Variants in ATG12 observed in about 807,000 individuals in gnomAD.
The protein encoded by ATG12 is autophagy related 12, also known as ubiquitin-like protein ATG12.
A neutral mutation model predicts 17.6 loss-of-function variants in ATG12; 19 were observed. The observed-to-expected ratio is 1.08, with a 90% confidence interval of 0.75 to 1.58. The LOEUF (loss-of-function observed/expected upper bound fraction) is 1.58. ATG12 is among the 40% of genes most tolerant of loss of function. The pLI is 0.00. For missense variants in ATG12, 214 were observed against 162.0 expected (o/e 1.32, Z -1.74); for synonymous variants, 75 against 62.4 (o/e 1.20, Z -0.95).
chr5:115,836,388 CTTATT>C (rs1761101199), intron 2 of ATG12, among the ~76,000 whole-genome samples: 1 of 152,192 alleles, frequency 6.6e-6, no homozygotes, highest in Admixed American at 6.5e-5. Flanking sequence ...ACTCAGTACT[CTTATT>C]TTACCAACTC....
chr5:115,831,732 T>C lies in ATG12; in HGVS notation c.*72A>G. ...TCTGTTAAGTCTCTTGCCACAAGCATCAAAACTTTTCAGAGCTGTCTCTTC... is the reference window on the plus strand; with the variant it reads ...TCTGTTAAGTCTCTTGCCACAAGCACCAAAACTTTTCAGAGCTGTCTCTTC... On this transcript the variant is annotated 3_prime_UTR_variant, in exon 4 of 4. Transcript: ENST00000509910. The C allele has an allele frequency of 2.8e-6, 4 of 1,442,226 alleles. No homozygotes were observed. The highest frequency in any genetic ancestry group is 3.9e-6 in the Non-Finnish European group (4 of 1,036,862). 89.3% of individuals were successfully genotyped at this position (1,442,226 alleles called of 1,614,324 possible). A position where few individuals can be genotyped will look rare whatever the true frequency, so the allele number is the denominator to read the frequency against.
intron 3 of ATG12, 29 bp downstream of exon 3, chr5:115,832,573 T>C (rs764094610): frequency 1.4e-5 from 2 of 143,278 alleles, no homozygotes; most frequent in Non-Finnish European, 2.0e-5. Flanking sequence ...ATTTCTTTCT[T>C]TTTTTTTTTT....
At position 115,831,735 on chromosome 5, in the gene ATG12, A is replaced by T; in HGVS notation, c.*69T>A. ...GTTAAGTCTCTTGCCACAAGCATCA[A>T]AACTTTTCAGAGCTGTCTCTTCCGT... On this transcript the variant is annotated 3_prime_UTR_variant, in exon 4 of 4. Coordinates refer to ENST00000509910, the MANE Select transcript of ATG12 (RefSeq NM_004707.4). 1 of 1,496,742 alleles carries T rather than the reference A, an allele frequency of 6.7e-7. No homozygotes were observed. The highest frequency in any genetic ancestry group is 1.8e-5 in the Admixed American group (1 of 56,544). 92.7% of individuals were successfully genotyped at this position (1,496,742 alleles called of 1,614,324 possible). A position where few individuals can be genotyped will look rare whatever the true frequency, so the allele number is the denominator to read the frequency against.
Position 115,832,543 on chromosome 5 carries a change from A to AT in ATG12, c.363+58dup. The AT allele has an allele frequency of 2.8e-6, 4 of 1,450,478 alleles. No individual in the cohort carries two copies. In the South Asian group the frequency reaches 5.6e-5, roughly 20 times the overall value. The allele number at this position is 1,450,478 out of a possible 1,614,324, so 89.9% of individuals were successfully genotyped here. On this transcript the variant is annotated intron_variant, in intron 3 of 3. Transcript: ENST00000509910. ...CATATTATACAGATGTGCATACTCG[A>AT]TTAAGAAAAAAAAGCAGTAATTTCT...
In ATG12 at chr5:115,840,629, G is replaced by A. The variant is rs1014281628; in HGVS notation, c.163+761C>T. 5 of 1,265,862 alleles carry A rather than the reference G, an allele frequency of 3.9e-6. No individual in the cohort carries two copies. In the Admixed American group the frequency reaches 1.0e-4, roughly 26 times the overall value. 78.4% of individuals were successfully genotyped at this position (1,265,862 alleles called of 1,614,324 possible). A position where few individuals can be genotyped will look rare whatever the true frequency, so the allele number is the denominator to read the frequency against. ...CACTGTCATCTTAAGACAGAACGGG[G>A]AAAACGTCTAAGGACGAAATCAGCC... On this transcript the variant is annotated intron_variant, in intron 1 of 3. Transcript: ENST00000509910.
chr5:115,841,057 T>A (rs1030096698), intron 1 of ATG12: 8 of 440,782 alleles, frequency 1.8e-5, no homozygotes, highest in Non-Finnish European at 3.2e-5. Flanking sequence ...CTGTGTTAAG[T>A]ACCTGGAATT....
rs35310189 is a variant in ATG12 at position 115,832,571 on chromosome 5, CTTTTTTTTTTT to C, written c.363+20_363+30del. Reference sequence around the variant, plus strand: ...AAGAAAAAAAAGCAGTAATTTCTTTCTTTTTTTTTTTTTTTTTTTTTTTTTTTTACCTCATA... The same window carrying C: ...AAGAAAAAAAAGCAGTAATTTCTTTCTTTTTTTTTTTTTTTTTACCTCATA... On this transcript the variant is annotated intron_variant, in intron 3 of 3. Transcript: ENST00000509910. The C allele has an allele frequency of 3.7e-4, 299 of 802,284 alleles. No individual in the cohort carries two copies. The highest frequency in any genetic ancestry group is 5.2e-4 in the Admixed American group (9 of 17,446). The allele number at this position is 802,284 out of a possible 1,614,324, so 49.7% of individuals were successfully genotyped here. A position where few individuals can be genotyped will look rare whatever the true frequency, so the allele number is the denominator to read the frequency against.
In ATG12 at chr5:115,829,180, A is replaced by G. The variant is rs906630027; in HGVS notation, c.*2624T>C. 12 of 152,216 alleles carry G rather than the reference A, an allele frequency of 7.9e-5. No individual in the cohort carries two copies. The highest frequency in any genetic ancestry group is 2.9e-4 in the African/African-American group (12 of 41,450). The allele number at this position is 152,216 out of a possible 1,614,324, so 9.4% of individuals were successfully genotyped here. ...TACGTGGCCTGTAGCTGGCTTCCTT[A>G]GTGCCAAAAGTTTACTCAGCATATT... On this transcript the variant is annotated 3_prime_UTR_variant, in exon 4 of 4. Transcript: ENST00000509910.
chr5:115,840,117 A>G (rs1761295400), intron 1 of ATG12, among the ~76,000 whole-genome samples: 2 of 152,344 alleles, frequency 1.3e-5, no homozygotes, highest in South Asian at 4.1e-4. Flanking sequence ...AAATGCAACA[A>G]AACACTGTAA....
intron 1 of ATG12, chr5:115,838,744 A>G (rs529817813): frequency 6.6e-6 from 1 of 152,376 alleles, no homozygotes; most frequent in South Asian, 2.1e-4. Context: ...ATGCAAACCC[A>G]AACCCTATGA....
In ATG12 at chr5:115,828,545, T is replaced by TA. The variant is rs1479359100; in HGVS notation, c.*3258dup. ...GAATCGAAATTTGGTATGTTTTGCCTATTTTTCAGTTGGTCTTTTCTTACC... is the reference window on the plus strand; with the variant it reads ...GAATCGAAATTTGGTATGTTTTGCCTAATTTTTCAGTTGGTCTTTTCTTACC... On this transcript the variant is annotated 3_prime_UTR_variant, in exon 4 of 4. Transcript: ENST00000509910. 2.6e-5 allele frequency: 4 copies of TA among 152,228 alleles called. No individual in the cohort carries two copies. The highest frequency in any genetic ancestry group is 7.2e-5 in the African/African-American group (3 of 41,466). The allele number at this position is 152,228 out of a possible 1,614,324, so 9.4% of individuals were successfully genotyped here.
At position 115,841,511 on chromosome 5, in the gene ATG12, T is replaced by G. The variant is rs750402145; in HGVS notation, c.42A>C (p.Ser14=). 6.2e-7 allele frequency: 1 copy of G among 1,612,284 alleles called. No individual in the cohort carries two copies. Among genetic ancestry groups the G allele is most frequent in the South Asian group, 1.1e-5 (1 of 91,012 alleles). Residue 14 remains serine (S), a synonymous_variant, in exon 1 of 4, where the codon TCA becomes TCC. Transcript: ENST00000509910. ...TAAGTCCTTCCCCTCCAGCAGCAAT[T>G]GAAGTAGGAAGCTGCAACACAGACT... ...EPQSVLQLPT[S]IAAGGEGLTD...
Position 115,831,754 on chromosome 5 carries a change from C to T in ATG12, c.*50G>A, listed in dbSNP as rs1554062091. The T allele has an allele frequency of 1.9e-6, 3 of 1,576,398 alleles. No homozygotes were observed. In the South Asian group the frequency reaches 3.4e-5, roughly 18 times the overall value. On this transcript the variant is annotated 3_prime_UTR_variant, in exon 4 of 4. Coordinates refer to ENST00000509910, the MANE Select transcript of ATG12 (RefSeq NM_004707.4). ...GCATCAAAACTTTTCAGAGCTGTCTCTTCCGTGAAAATCCATTTCATGTAG... is the reference window on the plus strand; with the variant it reads ...GCATCAAAACTTTTCAGAGCTGTCTTTTCCGTGAAAATCCATTTCATGTAG...
chr5:115,840,554 T>C (rs2112735714), intron 1 of ATG12: 2 of 1,233,254 alleles, frequency 1.6e-6, no homozygotes, highest in East Asian at 6.0e-5. Context: ...CGCCTCAGCC[T>C]ACCAAAGTGC....
In ATG12 at chr5:115,831,121, C is replaced by G. The variant is rs553532136; in HGVS notation, c.*683G>C. On this transcript the variant is annotated 3_prime_UTR_variant, in exon 4 of 4. Transcript: ENST00000509910. ...AATCCTTAAATGTTAGGACTGAAAA[C>G]AGGTATATGACTTATTTGTCCAGAA... The G allele has an allele frequency of 6.6e-6, 1 of 152,288 alleles. No homozygotes were observed. Among genetic ancestry groups the G allele is most frequent in the African/African-American group, 2.4e-5 (1 of 41,560 alleles). The allele number at this position is 152,288 out of a possible 1,614,324, so 9.4% of individuals were successfully genotyped here.
At chr5:115,840,788 A>T in intron 1 of ATG12, 1 of 1,196,020 alleles carries the variant, frequency 8.4e-7, no homozygotes, top group Non-Finnish European at 1.1e-6. Flanking sequence ...AGGGTTGAGG[A>T]TAGCTGACTC....
chr5:115,840,858 G>A (rs1761388373), intron 1 of ATG12: 4 of 1,276,086 alleles, frequency 3.1e-6, no homozygotes, highest in Non-Finnish European at 3.0e-6. Flanking sequence ...TAACATCTAT[G>A]CCTTTAGCTT....
At position 115,831,067 on chromosome 5, in the gene ATG12, A is replaced by C. The variant is rs1306175429; in HGVS notation, c.*737T>G. The C allele has an allele frequency of 6.6e-6, 1 of 152,218 alleles. No homozygotes were observed. The highest frequency in any genetic ancestry group is 2.4e-5 in the African/African-American group (1 of 41,444). 9.4% of individuals were successfully genotyped at this position (152,218 alleles called of 1,614,324 possible). On this transcript the variant is annotated 3_prime_UTR_variant, in exon 4 of 4. Coordinates refer to ENST00000509910, the MANE Select transcript of ATG12 (RefSeq NM_004707.4). ...TTGACACCATATAAATGACAGAGTA[A>C]CACCACAGTTATGTGATTGGGACTC...
intron 1 of ATG12, chr5:115,839,617 T>G (rs1291808067): frequency 6.6e-6 from 1 of 152,116 alleles, no homozygotes; most frequent in African/African-American, 2.4e-5. Context: ...ATTTTAAAGG[T>G]GATTTGCTTG....
Sources: allele counts gnomAD v4.1 joint callset (sites outside exome capture counted in the v4.1 genomes callset), GRCh38; gene constraint gnomAD v4.1.1; transcripts MANE v1.5; gene names NCBI Gene and HGNC (gene_info 2026-07-23, HGNC 2026-07-21).